The following NRG3 variants were observed in gnomAD, a reference collection of about 807,000 sequenced individuals.
The protein encoded by NRG3 is neuregulin 3, also known as pro-neuregulin-3, membrane-bound isoform.
A neutral mutation model predicts 66.9 loss-of-function variants in NRG3; 31 were observed. The ratio of observed to expected loss-of-function variants is 0.46; its 90% CI spans 0.35 to 0.63. NRG3 has a LOEUF of 0.63. Ranked by LOEUF, NRG3 falls within the 20% of genes least tolerant of loss-of-function variation. The pLI is 0.00. For missense variants in NRG3, 910 were observed against 878.9 expected (o/e 1.04, Z -0.45); for synonymous variants, 393 against 359.4 (o/e 1.09, Z -1.06).
intron 1 of NRG3, among the ~76,000 whole-genome samples, chr10:81,967,010 G>T (rs938039192): frequency 6.6e-6 from 1 of 151,670 alleles, no homozygotes; most frequent in Non-Finnish European, 1.5e-5. Flanking sequence ...GAGCATGTTT[G>T]TCTTTTCAAG....
chr10:82,362,944 A>G (rs540837126), intron 2 of NRG3, among the ~76,000 whole-genome samples: 25 of 152,350 alleles, frequency 1.6e-4, no homozygotes, highest in African/African-American at 5.8e-4. Context: ...AATAATAAGT[A>G]AAATTACATG....
At chr10:82,085,092 A>C (rs1456768674) in intron 1 of NRG3, among the ~76,000 whole-genome samples, 1 of 152,240 alleles carries the variant, frequency 6.6e-6, no homozygotes, top group East Asian at 1.9e-4. Flanking sequence ...CGCTATTACA[A>C]AGGGGCCTCT....
At chr10:82,648,629 T>A (rs1306816858) in intron 2 of NRG3, among the ~76,000 whole-genome samples, 3 of 152,224 alleles carry the variant, frequency 2.0e-5, no homozygotes, top group Non-Finnish European at 4.4e-5. Flanking sequence ...TGATTCTTCC[T>A]GCCCATGAGC....
At chr10:82,734,433 A>T (rs2058059572) in intron 2 of NRG3, among the ~76,000 whole-genome samples, 1 of 152,126 alleles carries the variant, frequency 6.6e-6, no homozygotes, top group South Asian at 2.1e-4. Context: ...ATAGAATATC[A>T]ACCTAGTTAA....
In NRG3 at chr10:82,318,442, T is replaced by C. The variant is rs191947482; in HGVS notation, c.824-40297T>C. ...GTTTAAGATTACCGTGTTTCACTCC[T>C]CTATGAAATTCTTAGTCACATCCCG... On this transcript the variant is annotated intron_variant, in intron 1 of 8. Transcript: ENST00000372141. 2.9e-3 allele frequency among the ~76,000 whole-genome samples: 448 copies of C among 152,332 alleles called. 5 individuals are homozygous for C. The highest frequency in any genetic ancestry group is 0.01 in the African/African-American group (421 of 41,558).
At chr10:82,207,208 T>C (rs911219470) in intron 1 of NRG3, among the ~76,000 whole-genome samples, 6 of 152,196 alleles carry the variant, frequency 3.9e-5, no homozygotes, top group African/African-American at 1.4e-4. Flanking sequence ...TTGTCCTAGC[T>C]GAATGACAGG....
chr10:81,963,437 A>G (rs2059607880), intron 1 of NRG3, among the ~76,000 whole-genome samples: 1 of 152,184 alleles, frequency 6.6e-6, no homozygotes, highest in Admixed American at 6.5e-5. Context: ...CCGGCCCACG[A>G]GGGCTCTTTA....
chr10:82,013,179 A>C (rs1481721849), intron 1 of NRG3, among the ~76,000 whole-genome samples: 1 of 152,196 alleles, frequency 6.6e-6, no homozygotes, highest in Non-Finnish European at 1.5e-5. Flanking sequence ...GGCAGAAGGC[A>C]AGGAGGAGCA....
At chr10:82,472,859 T>C (rs1841403281) in intron 2 of NRG3, among the ~76,000 whole-genome samples, 2 of 152,228 alleles carry the variant, frequency 1.3e-5, no homozygotes, top group Admixed American at 1.3e-4. Flanking sequence ...GGGCTGCTTC[T>C]AGAATTTCTT....
At chr10:81,942,834 A>G (rs1019800223) in intron 1 of NRG3, among the ~76,000 whole-genome samples, 3 of 152,206 alleles carry the variant, frequency 2.0e-5, no homozygotes, top group African/African-American at 7.2e-5. Context: ...CAGCTATGAT[A>G]TAATTATCAA....
At chr10:82,765,752 A>G (rs951178226) in intron 3 of NRG3, among the ~76,000 whole-genome samples, 1 of 152,188 alleles carries the variant, frequency 6.6e-6, no homozygotes, top group Non-Finnish European at 1.5e-5. Context: ...TGGTATGCAT[A>G]TAACTATTTA....
chr10:82,628,013 C>T (rs1393709933), intron 2 of NRG3, among the ~76,000 whole-genome samples: 1 of 152,160 alleles, frequency 6.6e-6, no homozygotes, highest in East Asian at 1.9e-4. Context: ...GGTAAGGAAA[C>T]AAAGACGCTT....
At chr10:82,612,037 C>T (rs560265088) in intron 2 of NRG3, among the ~76,000 whole-genome samples, 30 of 152,200 alleles carry the variant, frequency 2.0e-4, no homozygotes, top group African/African-American at 7.2e-4. Flanking sequence ...AGCTTTTTTT[C>T]ATGTGTCTGT....
chr10:82,301,630 G>T (rs2080404795), intron 1 of NRG3, among the ~76,000 whole-genome samples: 1 of 147,220 alleles, frequency 6.8e-6, no homozygotes, highest in East Asian at 2.0e-4. Flanking sequence ...TGCATTTTTT[G>T]ATTTATACAT....
At chr10:82,070,415 A>T (rs7071764) in intron 1 of NRG3, among the ~76,000 whole-genome samples, 66,291 of 152,102 alleles carry the variant, frequency 0.44, 15,763 homozygotes, top group South Asian at 0.57. Flanking sequence ...TCAAAAAATA[A>T]AGTCTGAGGA....
intron 2 of NRG3, among the ~76,000 whole-genome samples, chr10:82,469,946 C>G (rs1005909705): frequency 3.3e-5 from 5 of 152,152 alleles, no homozygotes; most frequent in African/African-American, 1.2e-4. Context: ...AATGTAGTGG[C>G]AAGCTAATCG....
intron 2 of NRG3, among the ~76,000 whole-genome samples, chr10:82,661,320 CA>C (rs2052342510): frequency 6.6e-6 from 1 of 151,972 alleles, no homozygotes; most frequent in African/African-American, 2.4e-5. Context: ...CACCCTTACT[CA>C]CACATATATA....
intron 3 of NRG3, among the ~76,000 whole-genome samples, chr10:82,790,061 A>G (rs919414992): frequency 1.3e-4 from 20 of 152,134 alleles, no homozygotes; most frequent in African/African-American, 4.6e-4. Flanking sequence ...TATGCATCAT[A>G]ATATAATCAA....
chr10:82,896,459 CTG>C (rs140397705), intron 4 of NRG3, among the ~76,000 whole-genome samples: 3,545 of 150,452 alleles, frequency 0.024, 144 homozygotes, highest in African/African-American at 0.084. Context: ...ATGAGGCTGA[CTG>C]TGAATGAATT....
Sources: allele counts gnomAD v4.1 joint callset (sites outside exome capture counted in the v4.1 genomes callset), GRCh38; gene constraint gnomAD v4.1.1; transcripts MANE v1.5; gene names NCBI Gene and HGNC (gene_info 2026-07-23, HGNC 2026-07-21).